Variants in DNAJC11 observed in about 807,000 individuals in gnomAD.
DNAJC11 encodes the protein dnaJ homolog subfamily C member 11.
Under a neutral mutation model 78.6 loss-of-function variants are expected in DNAJC11, and 15 were observed. The ratio of observed to expected loss-of-function variants is 0.19; its 90% confidence interval spans 0.13 to 0.29. The LOEUF is 0.29. DNAJC11 is among the 10% of genes least tolerant of loss of function. DNAJC11 has a pLI of 1.00. For missense variants in DNAJC11, 547 were observed against 709.6 expected, an observed-to-expected ratio of 0.77 and a Z score of 2.60; for synonymous variants, 292 against 272.1, an observed-to-expected ratio of 1.07 and a Z score of -0.72.
chr1:6,662,754 A>T (rs1447190705), intron 4 of DNAJC11, among the ~76,000 whole-genome samples: 1 of 152,168 alleles, frequency 6.6e-6, no homozygotes, highest in African/African-American at 2.4e-5. Flanking sequence ...TAAATGGACC[A>T]ACCGGCACTC....
Position 6,653,978 on chromosome 1 carries a change from T to G in DNAJC11, c.440A>C (p.Glu147Ala), listed in dbSNP as rs771244136. The change falls in exon 5 of 16, where the codon GAA (glutamate) becomes GCA (alanine). Residue 147 changes from glutamate to alanine, a missense_variant. Transcript: ENST00000377577. The surrounding 1 kb of genome is among the most constrained non-coding windows in gnomAD (Gnocchi z 4.5). ...CGGAAAGCTACTGCCGGACACATCT[T>G]CATACTCCTCATCATAGCGATCAAA... ...DLFDRYDEEYEDVSGSSFPQI... is the reference protein window; with the variant it reads ...DLFDRYDEEYADVSGSSFPQI... 1 of 1,613,708 alleles carries G rather than the reference T, an allele frequency of 6.2e-7. No individual in the cohort carries two copies. Among genetic ancestry groups the G allele is most frequent in the Admixed American group, 1.7e-5 (1 of 60,012 alleles).
intron 6 of DNAJC11, among the ~76,000 whole-genome samples, chr1:6,652,288 A>G (rs1330696194): frequency 6.6e-6 from 1 of 152,204 alleles, no homozygotes; most frequent in African/African-American, 2.4e-5. Context: ...AAGAGCCCAC[A>G]GGCTTTTTGC....
chr1:6,637,975 G>A (rs956823769), intron 12 of DNAJC11: 14 of 390,516 alleles, frequency 3.6e-5, no homozygotes, highest in Non-Finnish European at 5.1e-5. Context: ...CGCGCACACG[G>A]CCCATGGCCA....
chr1:6,644,653 C>T lies in DNAJC11; in HGVS notation c.1002G>A (p.Val334=), dbSNP rs1188470759. The stretch of plus-strand genomic sequence containing the variant: ...TCTTCCTCTCAGCTCCGTACTCCAC[C>T]ACCGTCCCAAAGAAGCCTGCTCTGC... ...GSLKAGFFGT[V]VEYGAERKIS... The change falls in exon 10 of 16, where the codon GTG becomes GTA. Residue 334 remains valine, a synonymous_variant. Transcript: ENST00000377577. The T allele has an allele frequency of 1.9e-6, 3 of 1,614,082 alleles. No individual in the cohort carries two copies. Among genetic ancestry groups the T allele is most frequent in the Non-Finnish European group, 1.7e-6 (2 of 1,180,036 alleles).
intron 1 of DNAJC11, among the ~76,000 whole-genome samples, chr1:6,697,976 C>G (rs1284370911): frequency 1.3e-5 from 2 of 152,022 alleles, no homozygotes; most frequent in African/African-American, 4.8e-5. Context: ...ATTTTTAGTA[C>G]AGACGGGGTT....
chr1:6,644,757 C>G, intron 9 of DNAJC11, 83 bp from the exon 10 acceptor site: 1 of 1,181,470 alleles, frequency 8.5e-7, no homozygotes, highest in South Asian at 1.3e-5. Flanking sequence ...AGGCCAGGTA[C>G]CTTCCCTTCC....
intron 3 of DNAJC11, among the ~76,000 whole-genome samples, chr1:6,673,954 C>G (rs1375758073): frequency 6.6e-6 from 1 of 152,188 alleles, no homozygotes; most frequent in Non-Finnish European, 1.5e-5. Flanking sequence ...TGCAGATGAT[C>G]TGGGCCGAAG....
At chr1:6,638,112 G>A in intron 12 of DNAJC11, 183 bp downstream of exon 12, 3 of 525,606 alleles carry the variant, frequency 5.7e-6, no homozygotes, top group Non-Finnish European at 9.9e-6. Context: ...TTAGGCCTTT[G>A]GAGGGTAATT....
chr1:6,669,187 A>G lies in DNAJC11; in HGVS notation c.277-1377T>C, dbSNP rs140980429. ...GGGTAACAGAGCAAGACTCTCTCTT[A>G]AAAAAAAAAAGAAAAAGAAAAAGGA... On this transcript the variant is annotated intron_variant, in intron 3 of 15. Coordinates refer to ENST00000377577, the MANE Select transcript of DNAJC11 (RefSeq NM_018198.4). Among the ~76,000 whole-genome samples the G allele has an allele frequency of 4.1e-3, 578 of 141,756 alleles. 4 individuals are homozygous for G. Among genetic ancestry groups the G allele is most frequent in the African/African-American group, 0.014 (530 of 38,540 alleles). The allele number at this position is 141,756 out of a possible 152,430, so 93.0% of individuals were successfully genotyped here. A position where few individuals can be genotyped will look rare whatever the true frequency, so the allele number is the denominator to read the frequency against.
chr1:6,686,878 G>A (rs973355026), intron 1 of DNAJC11, among the ~76,000 whole-genome samples: 5 of 152,214 alleles, frequency 3.3e-5, no homozygotes, highest in South Asian at 2.1e-4. Flanking sequence ...TTTCAAACTC[G>A]AACTTCCAGG....
At chr1:6,644,983 C>G (rs1641943430) in intron 9 of DNAJC11, 58 bp downstream of exon 9, 3 of 1,507,706 alleles carry the variant, frequency 2.0e-6, no homozygotes, top group Non-Finnish European at 2.8e-6. Context: ...ACTGGTTCCA[C>G]TGTGAAGACC....
In DNAJC11 at chr1:6,678,449, G is replaced by T. The variant is rs1553130273; in HGVS notation, c.221C>A (p.Thr74Asn). 11 of 1,613,574 alleles carry T rather than the reference G, an allele frequency of 6.8e-6. No individual in the cohort carries two copies. Among genetic ancestry groups the T allele is most frequent in the African/African-American group, 1.3e-5 (1 of 74,852 alleles). Residue 74 changes from threonine (T) to asparagine (N), a missense_variant, in exon 3 of 16, where the codon ACC (threonine) becomes AAC (asparagine). Physicochemically the swap from Thr to Asn is moderately conservative, Grantham distance 65. Transcript: ENST00000377577. ...QAYEVLSDPQ[T>N]RAIYDIYGKR... ...CCCATATATATCATAGATGGCCCTG[G>T]TTTGGGGGTCACTAAGCACTGCAAA... is the stretch of plus-strand genomic sequence containing the variant.
chr1:6,660,477 G>C (rs1341096632), intron 4 of DNAJC11, among the ~76,000 whole-genome samples: 1 of 150,070 alleles, frequency 6.7e-6, no homozygotes, highest in Non-Finnish European at 1.5e-5. Context: ...TTTATATATT[G>C]CATTTACTGC....
intron 4 of DNAJC11, among the ~76,000 whole-genome samples, chr1:6,662,758 G>A (rs551035334): frequency 1.8e-4 from 27 of 152,024 alleles, no homozygotes; most frequent in African/African-American, 6.0e-4. Flanking sequence ...TGGACCAACC[G>A]GCACTCTGTA....
At chr1:6,662,186 T>A (rs990260007) in intron 4 of DNAJC11, among the ~76,000 whole-genome samples, 4 of 148,952 alleles carry the variant, frequency 2.7e-5, no homozygotes, top group African/African-American at 1.0e-4. Context: ...AGGCTCTTGC[T>A]ACATTATTTT....
intron 1 of DNAJC11, among the ~76,000 whole-genome samples, chr1:6,683,907 T>A (rs1642593133): frequency 6.6e-6 from 1 of 152,198 alleles, no homozygotes; most frequent in Non-Finnish European, 1.5e-5. Context: ...TAGTGTTTTG[T>A]TTTCCTCCCA....
At chr1:6,652,168 T>C (rs764800037) in intron 6 of DNAJC11, among the ~76,000 whole-genome samples, 1 of 152,176 alleles carries the variant, frequency 6.6e-6, no homozygotes, top group Admixed American at 6.5e-5. Flanking sequence ...AACTCTTCAA[T>C]GTTAATTTGA....
In DNAJC11 at chr1:6,694,761, C is replaced by T. The variant is rs1163520133; in HGVS notation, c.72+6968G>A. On this transcript the variant is annotated intron_variant, in intron 1 of 15. Transcript: ENST00000377577. ...CGGGCGGATCACAAGGTCAGGAGAT[C>T]GAGACCATCCTGGCTAACACGGTGA... Among the ~76,000 whole-genome samples the T allele has an allele frequency of 7.5e-4, 112 of 148,806 alleles. 1 individual carries two copies. Among genetic ancestry groups the T allele is most frequent in the African/African-American group, 5.0e-5 (2 of 40,264 alleles).
At chr1:6,648,914 A>C (rs1346753256) in intron 7 of DNAJC11, among the ~76,000 whole-genome samples, 1 of 152,156 alleles carries the variant, frequency 6.6e-6, no homozygotes, top group Non-Finnish European at 1.5e-5. Flanking sequence ...AATTACGTAG[A>C]GCAGGGGACT....
Sources: allele counts gnomAD v4.1 joint callset (sites outside exome capture counted in the v4.1 genomes callset), GRCh38; gene constraint gnomAD v4.1.1; non-coding constraint Gnocchi (gnomAD v3.1); transcripts MANE v1.5; gene names NCBI Gene and HGNC (gene_info 2026-07-23, HGNC 2026-07-21).